The following BRAF variants were observed in gnomAD, a reference collection of about 807,000 sequenced individuals.
BRAF encodes the protein serine/threonine-protein kinase B-raf.
A neutral mutation model predicts 104.6 loss-of-function variants in BRAF; 16 were observed. The observed-to-expected ratio is 0.15, with a 90% CI of 0.10 to 0.23. BRAF has a LOEUF of 0.23. Ranked by LOEUF, BRAF falls within the 10% of genes least tolerant of loss-of-function variation. The probability of loss-of-function intolerance (pLI) is 1.00; values close to 1 mark genes in which losing one functional copy is unlikely to be tolerated. For missense variants in BRAF, 541 were observed against 937.3 expected (o/e 0.58, Z 5.52); for synonymous variants, 310 against 341.6 (o/e 0.91, Z 1.02).
chr7:140,879,718 CTG>C (rs1389921145), intron 1 of BRAF, among the ~76,000 whole-genome samples: 3 of 147,432 alleles, frequency 2.0e-5, no homozygotes, highest in African/African-American at 7.9e-5. Context: ...GTTAGGGTGA[CTG>C]TGGCAATTTC....
intron 1 of BRAF, among the ~76,000 whole-genome samples, chr7:140,894,128 T>G (rs1317955271): frequency 1.3e-5 from 2 of 151,856 alleles, no homozygotes; most frequent in Non-Finnish European, 2.9e-5. Context: ...ACCCAGACCC[T>G]GTCTCAAAAA....
At chr7:140,814,918 T>C (rs1218343288) in intron 3 of BRAF, among the ~76,000 whole-genome samples, 2 of 150,554 alleles carry the variant, frequency 1.3e-5, no homozygotes, top group Non-Finnish European at 3.0e-5. Flanking sequence ...TGTTATATGT[T>C]TAATTCTTTG....
intron 1 of BRAF, among the ~76,000 whole-genome samples, chr7:140,853,284 G>A (rs1188766740): frequency 1.3e-5 from 2 of 152,038 alleles, no homozygotes; most frequent in African/African-American, 4.8e-5. Context: ...GGCTGAGGTG[G>A]GAGGATTGCT....
In BRAF at chr7:140,781,559, C is replaced by A. The variant is rs62487919; in HGVS notation, c.1552+17G>T. On this transcript the variant is annotated intron_variant, in intron 12 of 19. Coordinates refer to ENST00000644969, the MANE Select transcript of BRAF (RefSeq NM_001374258.1). ...CCTATTATGACTTGTCACAATGTCA[C>A]CACATTACATACTTACCATGCCACT... 1 of 1,598,586 alleles carries A rather than the reference C, an allele frequency of 6.3e-7. No homozygotes were observed. The highest frequency in any genetic ancestry group is 1.7e-5 in the Admixed American group (1 of 60,016).
chr7:140,802,635 A>T (rs1803250156), intron 5 of BRAF, among the ~76,000 whole-genome samples: 1 of 152,104 alleles, frequency 6.6e-6, no homozygotes, highest in Non-Finnish European at 1.5e-5. Context: ...TAAAAAGTAA[A>T]AAAGAAAAAT....
At chr7:140,789,359 T>C (rs1801715782) in intron 8 of BRAF, among the ~76,000 whole-genome samples, 1 of 152,206 alleles carries the variant, frequency 6.6e-6, no homozygotes, top group Non-Finnish European at 1.5e-5. Flanking sequence ...ATATGAGGGA[T>C]TGAATGGCCC....
chr7:140,770,047 C>T (rs1472690382), intron 14 of BRAF, among the ~76,000 whole-genome samples: 1 of 152,194 alleles, frequency 6.6e-6, no homozygotes, highest in East Asian at 1.9e-4. Context: ...GAAGCAATTC[C>T]TCTAATCCTA....
intron 1 of BRAF, among the ~76,000 whole-genome samples, chr7:140,899,993 T>C (rs1009375319): frequency 6.6e-6 from 1 of 152,228 alleles, no homozygotes; most frequent in South Asian, 2.1e-4. Context: ...TACATCCACA[T>C]GAGGGAGCAC....
chr7:140,785,232 C>T (rs1281475773), intron 10 of BRAF, among the ~76,000 whole-genome samples: 1 of 151,934 alleles, frequency 6.6e-6, no homozygotes, highest in African/African-American at 2.4e-5. Flanking sequence ...GGCCAAAAGC[C>T]TAATAAAATC....
In BRAF at chr7:140,724,749, GTTTAA is replaced by G. The variant is rs1795508062; in HGVS notation, c.*1740_*1744del. On this transcript the variant is annotated 3_prime_UTR_variant, in exon 20 of 20. Coordinates refer to ENST00000644969, the MANE Select transcript of BRAF (RefSeq NM_001374258.1). ...AATTCCTTGATTTATTCTGGGTCTT[GTTTAA>G]TTTCTTTCAAGTCCTTGGCTATAGC... 2.9e-6 allele frequency: 3 copies of G among 1,033,858 alleles called. No homozygotes were observed. Among genetic ancestry groups the G allele is most frequent in the South Asian group, 4.6e-5 (1 of 21,716 alleles). The allele number at this position is 1,033,858 out of a possible 1,614,324, so 64.0% of individuals were successfully genotyped here.
intron 3 of BRAF, chr7:140,824,093 T>C (rs1190603609): frequency 1.3e-5 from 2 of 152,238 alleles, no homozygotes; most frequent in Non-Finnish European, 2.9e-5. Context: ...CATTCCAGGT[T>C]GGCTTTTCAC....
At chr7:140,894,905 A>G (rs1311094429) in intron 1 of BRAF, among the ~76,000 whole-genome samples, 1 of 152,216 alleles carries the variant, frequency 6.6e-6, no homozygotes, top group Non-Finnish European at 1.5e-5. Flanking sequence ...TGGTTACTTA[A>G]AGCCTAATGA....
At chr7:140,915,395 A>G (rs1817507551) in intron 1 of BRAF, among the ~76,000 whole-genome samples, 1 of 152,006 alleles carries the variant, frequency 6.6e-6, no homozygotes, top group Non-Finnish European at 1.5e-5. Context: ...AAAATATAAA[A>G]CAAAAGTATT....
Position 140,774,588 on chromosome 7 carries a change from C to T in BRAF, c.1814+2324G>A, listed in dbSNP as rs1213547599. ...GCTGGATGCAGTGGCACAATCACGA[C>T]TCCTTGCATCCTCACACTCCTGGGC... On this transcript the variant is annotated intron_variant, in intron 14 of 19. Coordinates refer to ENST00000644969, the MANE Select transcript of BRAF (RefSeq NM_001374258.1). Among the ~76,000 whole-genome samples, 3 of 152,196 alleles carry T rather than the reference C, an allele frequency of 2.0e-5. No homozygotes were observed. The East Asian group carries it at 5.8e-4, about 29-fold the overall frequency.
chr7:140,800,224 G>A (rs756953553), intron 7 of BRAF, 138 bp downstream of exon 7: 2 of 1,304,182 alleles, frequency 1.5e-6, no homozygotes, highest in Admixed American at 1.9e-5. Flanking sequence ...GTAAATATCT[G>A]AGTGGTATGA....
In BRAF at chr7:140,725,773, T is replaced by C; in HGVS notation, c.*721A>G. 1 of 1,061,202 alleles carries C rather than the reference T, an allele frequency of 9.4e-7. No individual in the cohort carries two copies. Among genetic ancestry groups the C allele is most frequent in the Non-Finnish European group, 1.1e-6 (1 of 877,046 alleles). The allele number at this position is 1,061,202 out of a possible 1,614,324, so 65.7% of individuals were successfully genotyped here. ...AAGAAGGCAATGTGTGCCAGCACTATCTAGCCTGCTTGGTTAGACAGACCC... is the reference window on the plus strand; with the variant it reads ...AAGAAGGCAATGTGTGCCAGCACTACCTAGCCTGCTTGGTTAGACAGACCC... On this transcript the variant is annotated 3_prime_UTR_variant, in exon 20 of 20. Coordinates refer to ENST00000644969, the MANE Select transcript of BRAF (RefSeq NM_001374258.1).
Position 140,914,997 on chromosome 7 carries a change from C to T in BRAF, c.138+9569G>A, listed in dbSNP as rs571713342. On this transcript the variant is annotated intron_variant, in intron 1 of 19. Coordinates refer to ENST00000644969, the MANE Select transcript of BRAF (RefSeq NM_001374258.1). ...GGGGGGGGCGGAGGTTGCAATGAGC[C>T]GAGATCACACCACTGCACTCCAGCA... 1.0e-3 allele frequency among the ~76,000 whole-genome samples: 92 copies of T among 89,580 alleles called. 1 individual carries two copies. The highest frequency in any genetic ancestry group is 4.1e-3 in the African/African-American group (86 of 20,782). The allele number at this position is 89,580 out of a possible 152,430, so 58.8% of individuals were successfully genotyped here.
chr7:140,796,080 G>A (rs1190959661), intron 7 of BRAF, among the ~76,000 whole-genome samples: 1 of 152,214 alleles, frequency 6.6e-6, no homozygotes, highest in Non-Finnish European at 1.5e-5. Context: ...GCCAGGTGCA[G>A]TGGCTCATGC....
chr7:140,750,003 A>C lies in BRAF; in HGVS notation c.1981-585T>G, dbSNP rs189226646. On this transcript the variant is annotated intron_variant, in intron 16 of 19. Transcript: ENST00000644969. ...TATTAACAAAAGCAAGACAGCAGGT[A>C]GATTTAGTAAAAGATGGTATAAAGA... 3.3e-5 allele frequency among the ~76,000 whole-genome samples: 5 copies of C among 152,354 alleles called. No individual in the cohort carries two copies. In the East Asian group the frequency reaches 9.6e-4, roughly 29 times the overall value.
Sources: allele counts gnomAD v4.1 joint callset (sites outside exome capture counted in the v4.1 genomes callset), GRCh38; gene constraint gnomAD v4.1.1; transcripts MANE v1.5; gene names NCBI Gene and HGNC (gene_info 2026-07-23, HGNC 2026-07-21).